HEPACAM: variants seen among roughly 807,000 people sequenced by gnomAD.
HEPACAM encodes hepatic and glial cell adhesion molecule, also known as hepatocyte cell adhesion molecule.
In HEPACAM, 18 loss-of-function variants were observed where a neutral mutation model predicts 38.3. That is an observed-to-expected ratio of 0.47 (90% CI 0.33 to 0.70). HEPACAM has a LOEUF of 0.70. Ranked by LOEUF, HEPACAM falls within the 30% of genes least tolerant of loss-of-function variation. The pLI, the probability that HEPACAM is intolerant of heterozygous loss-of-function variation, is 0.03. For synonymous variants in HEPACAM, 216 were observed against 243.1 expected (o/e 0.89, Z 1.04); for missense variants, 466 against 563.0 (o/e 0.83, Z 1.74).
intron 6 of HEPACAM, among the ~76,000 whole-genome samples, chr11:124,922,062 C>G (rs1262029677): frequency 6.6e-6 from 1 of 152,174 alleles, no homozygotes. Flanking sequence ...GCCTGAGCTC[C>G]GCCTCCTGTC....
At position 124,919,750 on chromosome 11, in the gene HEPACAM, G is replaced by A. The variant is rs780074085; in HGVS notation, c.*1388C>T. The stretch of plus-strand genomic sequence containing the variant: ...ACAAAACTTGACCTGGTGTGGAGGT[G>A]ATGGGTAACTGGGGCCTTGGAATTG... On this transcript the variant is annotated 3_prime_UTR_variant, in exon 7 of 7. Transcript: ENST00000298251. 2.5e-6 allele frequency: 4 copies of A among 1,613,558 alleles called. No homozygotes were observed. Among genetic ancestry groups the A allele is most frequent in the Non-Finnish European group, 2.5e-6 (3 of 1,179,826 alleles).
chr11:124,934,179 A>G (rs1359045942), intron 1 of HEPACAM, among the ~76,000 whole-genome samples: 2 of 152,056 alleles, frequency 1.3e-5, no homozygotes, highest in African/African-American at 4.8e-5. Context: ...TCACACAGCA[A>G]TCCTCCTTCC....
rs1252056162 is a variant in HEPACAM at position 124,924,385 on chromosome 11, A to C, written c.427+343T>G. The stretch of plus-strand genomic sequence containing the variant: ...CTGTTTAGGTTCAAATCTTGGCTCT[A>C]TCACTTCTAGCTGTGTGACCTTGGG... On this transcript the variant is annotated intron_variant, in intron 2 of 6. Coordinates refer to ENST00000298251, the MANE Select transcript of HEPACAM (RefSeq NM_152722.5). This position sits in a 1 kb window ranked among gnomAD's most constrained non-coding sequence, Gnocchi z 4.4. 2.0e-5 allele frequency among the ~76,000 whole-genome samples: 3 copies of C among 152,182 alleles called. No individual in the cohort carries two copies. Among genetic ancestry groups the C allele is most frequent in the African/African-American group, 4.8e-5 (2 of 41,448 alleles).
At position 124,920,731 on chromosome 11, in the gene HEPACAM, T is replaced by A. The variant is rs891801830; in HGVS notation, c.*407A>T. The stretch of plus-strand genomic sequence containing the variant: ...AAAAGTGCCCCAGCACTCAGGCATT[T>A]GTTCAGAGGGAAGGGTGGTGGGTGG... On this transcript the variant is annotated 3_prime_UTR_variant, in exon 7 of 7. Coordinates refer to ENST00000298251, the MANE Select transcript of HEPACAM (RefSeq NM_152722.5). 5 of 1,038,830 alleles carry A rather than the reference T, an allele frequency of 4.8e-6. No individual in the cohort carries two copies. The highest frequency in any genetic ancestry group is 4.6e-4 in the Middle Eastern group (1 of 2,184). 64.4% of individuals were successfully genotyped at this position (1,038,830 alleles called of 1,614,324 possible).
rs1007670116 is a variant in HEPACAM, at chr11:124,921,457, C to T, written c.949-17G>A. On this transcript the variant is annotated splice_polypyrimidine_tract_variant and intron_variant, in intron 6 of 6. Transcript: ENST00000298251. This position sits in a 1 kb window ranked among gnomAD's most constrained non-coding sequence, Gnocchi z 4.6. ...CGGGGAGTCCTGCAAGGACACGCGCCGCAGGGGTCAGGGGACAGTCAGCCC... is the reference window on the plus strand; with the variant it reads ...CGGGGAGTCCTGCAAGGACACGCGCTGCAGGGGTCAGGGGACAGTCAGCCC... 5.6e-6 allele frequency: 7 copies of T among 1,256,990 alleles called. No individual in the cohort carries two copies. The South Asian group carries it at 1.0e-4, about 19-fold the overall frequency. 77.9% of individuals were successfully genotyped at this position (1,256,990 alleles called of 1,614,324 possible).
intron 5 of HEPACAM, 96 bp downstream of exon 5, chr11:124,922,649 C>A (rs1158511838): frequency 1.2e-6 from 2 of 1,613,790 alleles, no homozygotes; most frequent in Non-Finnish European, 8.5e-7. Flanking sequence ...AGGGTCCCTG[C>A]AGAGCTGTTT....
chr11:124,929,592 T>G (rs1423314322), intron 1 of HEPACAM, among the ~76,000 whole-genome samples: 1 of 152,170 alleles, frequency 6.6e-6, no homozygotes, highest in East Asian at 1.9e-4. Flanking sequence ...AGTGATTAAC[T>G]TAATTATTGT....
chr11:124,920,917 A>G lies in HEPACAM; in HGVS notation c.*221T>C. On this transcript the variant is annotated 3_prime_UTR_variant, in exon 7 of 7. Transcript: ENST00000298251. ...TACCAAGTGAGGACACAGCCAGTAA[A>G]CCGGAAGCAAATGCGACCCGGTTTC... is the stretch of plus-strand genomic sequence containing the variant. 1.5e-6 allele frequency: 2 copies of G among 1,354,714 alleles called. No individual in the cohort carries two copies. Among genetic ancestry groups the G allele is most frequent in the Non-Finnish European group, 1.9e-6 (2 of 1,056,580 alleles). 83.9% of individuals were successfully genotyped at this position (1,354,714 alleles called of 1,614,324 possible). A position where few individuals can be genotyped will look rare whatever the true frequency, so the allele number is the denominator to read the frequency against.
intron 1 of HEPACAM, among the ~76,000 whole-genome samples, chr11:124,934,795 G>A (rs61910646): frequency 0.082 from 12,502 of 151,868 alleles, 618 homozygotes; most frequent in East Asian, 0.23. Context: ...GTTTCCCCTC[G>A]AATGACCCCC....
intron 4 of HEPACAM, 42 bp downstream of exon 4, chr11:124,923,298 G>T: frequency 1.6e-6 from 2 of 1,267,748 alleles, no homozygotes; most frequent in Non-Finnish European, 2.3e-6. Context: ...TTAGGTTTGG[G>T]ATGGATTGAA....
chr11:124,919,554 A>G lies in HEPACAM; in HGVS notation c.*1584T>C, dbSNP rs1379751623. On this transcript the variant is annotated 3_prime_UTR_variant, in exon 7 of 7. Transcript: ENST00000298251. ...CCTTCTTGAGAAACTTTTCCCCTACATGCATTATCTCATTATGGATGAGGC... is the reference window on the plus strand; with the variant it reads ...CCTTCTTGAGAAACTTTTCCCCTACGTGCATTATCTCATTATGGATGAGGC... 2 of 606,202 alleles carry G rather than the reference A, an allele frequency of 3.3e-6. No homozygotes were observed. Among genetic ancestry groups the G allele is most frequent in the South Asian group, 2.1e-5 (1 of 46,824 alleles). The allele number at this position is 606,202 out of a possible 1,614,324, so 37.6% of individuals were successfully genotyped here.
chr11:124,922,738 A>G lies in HEPACAM; in HGVS notation c.877+7T>C. ...TGGGATGGGTGATTGGGTGGCTGGG[A>G]GCTCACCTTCTGGTTTCAGGCGGTC... is the stretch of plus-strand genomic sequence containing the variant. On this transcript the variant is annotated splice_region_variant and intron_variant, in intron 5 of 6. Coordinates refer to ENST00000298251, the MANE Select transcript of HEPACAM (RefSeq NM_152722.5). 1 of 1,614,002 alleles carries G rather than the reference A, an allele frequency of 6.2e-7. No homozygotes were observed. The highest frequency in any genetic ancestry group is 1.1e-5 in the South Asian group (1 of 91,072).
chr11:124,924,545 G>A lies in HEPACAM; in HGVS notation c.427+183C>T, dbSNP rs1353260399. On this transcript the variant is annotated intron_variant, in intron 2 of 6. Transcript: ENST00000298251. The surrounding 1 kb of genome is among the most constrained non-coding windows in gnomAD (Gnocchi z 4.4). ...GCACTTAGAATAGTTTCTGGCACAT[G>A]GCAATCACTCTACATGTTAGCTGTG... The A allele has an allele frequency of 4.3e-6, 3 of 697,772 alleles. No individual in the cohort carries two copies. In the East Asian group the frequency reaches 7.6e-5, roughly 18 times the overall value. 43.2% of individuals were successfully genotyped at this position (697,772 alleles called of 1,614,324 possible). A position where few individuals can be genotyped will look rare whatever the true frequency, so the allele number is the denominator to read the frequency against.
rs751234951 is a variant in HEPACAM at position 124,920,033 on chromosome 11, T to C, written c.*1105A>G. On this transcript the variant is annotated 3_prime_UTR_variant, in exon 7 of 7. Coordinates refer to ENST00000298251, the MANE Select transcript of HEPACAM (RefSeq NM_152722.5). ...GTTAGTGTGATTAGGGAGTCTGCCC[T>C]TTTTCTGTGCCCTGGGACCTGAGCA... 2.5e-6 allele frequency: 4 copies of C among 1,606,162 alleles called. No individual in the cohort carries two copies. In the South Asian group the frequency reaches 4.4e-5, roughly 18 times the overall value.
In HEPACAM at chr11:124,935,986, G is replaced by A; in HGVS notation, c.21C>T (p.Ala7=). Residue 7 remains alanine, a synonymous_variant, in exon 1 of 7, where the codon GCC becomes GCT. Coordinates refer to ENST00000298251, the MANE Select transcript of HEPACAM (RefSeq NM_152722.5). ...GCAGGGCCCTGGAGGCTCTGGACAG[G>A]GCTCCCCTTTCTCTCTTCATTTTGG... MKRERG[A]LSRASRALRL... 1 of 1,614,006 alleles carries A rather than the reference G, an allele frequency of 6.2e-7. No individual in the cohort carries two copies. Among genetic ancestry groups the A allele is most frequent in the South Asian group, 1.1e-5 (1 of 91,078 alleles).
chr11:124,930,379 A>C (rs1458755926), intron 1 of HEPACAM, among the ~76,000 whole-genome samples: 1 of 152,172 alleles, frequency 6.6e-6, no homozygotes, highest in Non-Finnish European at 1.5e-5. Context: ...AAGTCATTTG[A>C]AGCGCCAGTT....
At chr11:124,928,395 A>G (rs972548861) in intron 1 of HEPACAM, among the ~76,000 whole-genome samples, 2 of 152,226 alleles carry the variant, frequency 1.3e-5, no homozygotes, top group African/African-American at 4.8e-5. Flanking sequence ...AGCTTTATTA[A>G]AGGCCACTGG....
chr11:124,921,055 C>T lies in HEPACAM; in HGVS notation c.*83G>A, dbSNP rs774632092. The T allele has an allele frequency of 7.1e-5, 104 of 1,462,046 alleles. No individual in the cohort carries two copies. Among genetic ancestry groups the T allele is most frequent in the Non-Finnish European group, 8.0e-5 (89 of 1,110,652 alleles). The allele number at this position is 1,462,046 out of a possible 1,614,324, so 90.6% of individuals were successfully genotyped here. A position where few individuals can be genotyped will look rare whatever the true frequency, so the allele number is the denominator to read the frequency against. On this transcript the variant is annotated 3_prime_UTR_variant, in exon 7 of 7. Coordinates refer to ENST00000298251, the MANE Select transcript of HEPACAM (RefSeq NM_152722.5). This position sits in a 1 kb window ranked among gnomAD's most constrained non-coding sequence, Gnocchi z 4.6. ...GGACCTCCCCTCGTCCCCAGCGCGC[C>T]GCGCCCGGGCTTCCCAGCCCCAGCT...
In HEPACAM at chr11:124,923,875, A is replaced by G. The variant is rs1286681900; in HGVS notation, c.563T>C (p.Leu188Pro). ...GGACAGGAGCATTCTCGAGTCATTG[A>G]GGAGGGGCTTGCCATCCTTCAGCCA... is the stretch of plus-strand genomic sequence containing the variant. ...YTWLKDGKPL[L>P]NDSRMLLSPD... The change falls in exon 3 of 7, where the codon CTC becomes CCC. Residue 188 changes from leucine (L) to proline (P), a missense_variant. Coordinates refer to ENST00000298251, the MANE Select transcript of HEPACAM (RefSeq NM_152722.5). 1.2e-6 allele frequency: 2 copies of G among 1,614,052 alleles called. No homozygotes were observed. Among genetic ancestry groups the G allele is most frequent in the Admixed American group, 3.3e-5 (2 of 60,030 alleles).
Sources: gnomAD v4.1 joint callset for allele counts (sites outside exome capture counted in the v4.1 genomes callset) on GRCh38, gnomAD v4.1.1 for gene constraint, Gnocchi (gnomAD v3.1) non-coding constraint, MANE v1.5 for transcripts, NCBI Gene and HGNC (gene_info 2026-07-23, HGNC 2026-07-21) for gene names.